The following TMEM134 variants were observed in gnomAD, a reference collection of about 807,000 sequenced individuals.
TMEM134 encodes transmembrane protein 134.
Under a neutral mutation model 26.2 loss-of-function variants are expected in TMEM134, and 36 were observed. The observed-to-expected ratio is 1.37, with a 90% CI of 1.05 to 1.81. TMEM134 has a LOEUF of 1.81. TMEM134 is among the 40% of genes most tolerant of loss of function. TMEM134 has a pLI of 0.00. For missense variants in TMEM134, 339 were observed against 263.5 expected, an observed-to-expected ratio of 1.29 and a Z score of -1.98; for synonymous variants, 133 against 113.6, an observed-to-expected ratio of 1.17 and a Z score of -1.08.
At chr11:67,467,845 C>T in intron 2 of TMEM134, 183 bp downstream of exon 2, 1 of 673,758 alleles carries the variant, frequency 1.5e-6, no homozygotes, top group East Asian at 2.7e-5. Context: ...GTGAGTACAG[C>T]TGGGCACTAG....
Position 67,464,588 on chromosome 11 carries a change from C to A in TMEM134, c.*26G>T. The A allele has an allele frequency of 6.4e-7, 1 of 1,551,216 alleles. No homozygotes were observed. The highest frequency in any genetic ancestry group is 2.0e-5 in the Admixed American group (1 of 51,010). ...AGGGCAAGAGGGGCGCCCCCATGGG[C>A]GCAAGGGGTCCACGCTGCGCCGCGA... On this transcript the variant is annotated 3_prime_UTR_variant, in exon 7 of 7. Transcript: ENST00000308022.
At chr11:67,467,924 CG>C (rs1865379282) in intron 2 of TMEM134, 103 bp downstream of exon 2, 1 of 1,091,340 alleles carries the variant, frequency 9.2e-7, no homozygotes, top group South Asian at 1.4e-5. Context: ...ATCAATAGGA[CG>C]GGATGGAAGA....
intron 1 of TMEM134, 27 bp downstream of exon 1, chr11:67,468,991 AG>A: frequency 3.4e-6 from 5 of 1,455,618 alleles, no homozygotes; most frequent in South Asian, 2.6e-5. Context: ...GGCCGGGGGC[AG>A]GGGGTTAGGT....
In TMEM134 at chr11:67,465,087, G is replaced by T; in HGVS notation, c.420C>A (p.Val140=). 1 of 1,586,608 alleles carries T rather than the reference G, an allele frequency of 6.3e-7. No individual in the cohort carries two copies. The highest frequency in any genetic ancestry group is 1.8e-5 in the Admixed American group (1 of 56,668). The change falls in exon 5 of 7, where the codon GTC becomes GTA. Residue 140 remains valine (V), a synonymous_variant. Transcript: ENST00000308022. ...LLLLGLVLIL[V]GVGLEATPSP... is the part of the protein sequence containing the mutation. The stretch of plus-strand genomic sequence containing the variant: ...AGGGGGTCGCCTCCAGTCCCACGCC[G>T]ACCAGGATCAGCACTGCACACAGAC...
Position 67,463,940 on chromosome 11 carries a change from G to C in TMEM134, c.*674C>G, listed in dbSNP as rs1031177397. 1 of 153,598 alleles carries C rather than the reference G, an allele frequency of 6.5e-6. No individual in the cohort carries two copies. Among genetic ancestry groups the C allele is most frequent in the Non-Finnish European group, 1.5e-5 (1 of 68,872 alleles). 9.5% of individuals were successfully genotyped at this position (153,598 alleles called of 1,614,324 possible). A position where few individuals can be genotyped will look rare whatever the true frequency, so the allele number is the denominator to read the frequency against. ...CTGGGACTGGGAAGGAGGGCAGTGG[G>C]TGGAGGGGGCTGGGCCATTGCCTTG... On this transcript the variant is annotated 3_prime_UTR_variant, in exon 7 of 7. Transcript: ENST00000308022.
In TMEM134 at chr11:67,465,112, C is replaced by T. The variant is rs1304353312; in HGVS notation, c.407-12G>A. The T allele has an allele frequency of 3.2e-6, 5 of 1,572,706 alleles. No homozygotes were observed. Among genetic ancestry groups the T allele is most frequent in the Non-Finnish European group, 4.3e-6 (5 of 1,164,674 alleles). On this transcript the variant is annotated splice_polypyrimidine_tract_variant and intron_variant, in intron 4 of 6. Transcript: ENST00000308022. ...GACCAGGATCAGCACTGCACACAGA[C>T]GGAGCCGCGGGGGTGGGGGCAGGAG...
At chr11:67,468,598 C>T (rs981713702) in intron 1 of TMEM134, among the ~76,000 whole-genome samples, 14 of 152,174 alleles carry the variant, frequency 9.2e-5, no homozygotes, top group Admixed American at 4.6e-4. Context: ...AGGGAGAGGG[C>T]TTTCAGAATA....
rs998584283 is a variant in TMEM134, at chr11:67,465,103, G to T, written c.407-3C>A. 1.3e-6 allele frequency: 2 copies of T among 1,581,834 alleles called. No homozygotes were observed. The highest frequency in any genetic ancestry group is 2.7e-5 in the African/African-American group (2 of 74,132). On this transcript the variant is annotated splice_region_variant and splice_polypyrimidine_tract_variant and intron_variant, in intron 4 of 6. Coordinates refer to ENST00000308022, the MANE Select transcript of TMEM134 (RefSeq NM_025124.4). ...TCCCACGCCGACCAGGATCAGCACTGCACACAGACGGAGCCGCGGGGGTGG... is the reference window on the plus strand; with the variant it reads ...TCCCACGCCGACCAGGATCAGCACTTCACACAGACGGAGCCGCGGGGGTGG...
At chr11:67,468,414 C>T (rs994783627) in intron 1 of TMEM134, among the ~76,000 whole-genome samples, 1 of 151,590 alleles carries the variant, frequency 6.6e-6, no homozygotes, top group African/African-American at 2.4e-5. Flanking sequence ...AGGCCAGGCC[C>T]AGAGTTCCCA....
At position 67,467,338 on chromosome 11, in the gene TMEM134, G is replaced by T; in HGVS notation, c.380C>A (p.Ser127Tyr). 1.2e-6 allele frequency: 2 copies of T among 1,613,920 alleles called. No homozygotes were observed. Residue 127 changes from serine to tyrosine, a missense_variant, in exon 4 of 7, where the codon TCC (serine) becomes TAC (tyrosine). Ser to Tyr is a moderately radical substitution (Grantham distance 144, BLOSUM62 -2). Coordinates refer to ENST00000308022, the MANE Select transcript of TMEM134 (RefSeq NM_025124.4). The stretch of plus-strand genomic sequence containing the variant: ...CAGCCCCAGCAGCAGGAGCAGGAAG[G>T]AGGCCAGCACCACTCGGCGGTTCTT... Reference protein sequence around the residue: ...IQKNRRVVLASFLLLLLGLVL... With the variant: ...IQKNRRVVLAYFLLLLLGLVL...
In TMEM134 at chr11:67,464,862, G is replaced by C; in HGVS notation, c.452-6C>G. 4 of 1,610,404 alleles carry C rather than the reference G, an allele frequency of 2.5e-6. No homozygotes were observed. Among genetic ancestry groups the C allele is most frequent in the Non-Finnish European group, 3.4e-6 (4 of 1,179,714 alleles). On this transcript the variant is annotated splice_polypyrimidine_tract_variant and splice_region_variant and intron_variant, in intron 5 of 6. Transcript: ENST00000308022. The stretch of plus-strand genomic sequence containing the variant: ...GAAGATGGCGCTGGAGACACCTGCG[G>C]GAGGGACCAGAGCCCGGTCAGGGCG...
At position 67,467,580 on chromosome 11, in the gene TMEM134, G is replaced by C. The variant is rs143199541; in HGVS notation, c.250C>G (p.Arg84Gly). The C allele has an allele frequency of 4.3e-6, 7 of 1,613,870 alleles. No individual in the cohort carries two copies. The Middle Eastern group carries it at 5.0e-4, about 115-fold the overall frequency. The change falls in exon 3 of 7, where the codon CGA (arginine) becomes GGA (glycine). Residue 84 changes from arginine to glycine, a missense_variant. Physicochemically the swap from Arg to Gly is moderately radical, Grantham distance 125. Coordinates refer to ENST00000308022, the MANE Select transcript of TMEM134 (RefSeq NM_025124.4). ...CACTGGGAGCTGCGGATGGAAGTTC[G>C]GCTGGAATCCCTGCCAGGACAGGCG... is the stretch of plus-strand genomic sequence containing the variant. Reference protein sequence around the residue: ...DGGVGTRDSSRTSIRSSQWSF... With the variant: ...DGGVGTRDSSGTSIRSSQWSF...
At chr11:67,465,648 A>G (rs1282154367) in intron 4 of TMEM134, among the ~76,000 whole-genome samples, 2 of 152,140 alleles carry the variant, frequency 1.3e-5, no homozygotes, top group African/African-American at 4.8e-5. Flanking sequence ...AGGGTGGGCC[A>G]GGTGTGGTGG....
At chr11:67,467,260 G>A (rs1203670116) in intron 4 of TMEM134, 52 bp downstream of exon 4, 1 of 1,561,792 alleles carries the variant, frequency 6.4e-7, no homozygotes, top group South Asian at 1.1e-5. Context: ...ACAAAAGGAG[G>A]GCAGAGCCTC....
chr11:67,464,215 C>T lies in TMEM134; in HGVS notation c.*399G>A. ...CCCTAACATGCCCCGTGCCCTTGGGCAAGCCTCAGCATCAGGGCTGCCACG... is the reference window on the plus strand; with the variant it reads ...CCCTAACATGCCCCGTGCCCTTGGGTAAGCCTCAGCATCAGGGCTGCCACG... On this transcript the variant is annotated 3_prime_UTR_variant, in exon 7 of 7. Coordinates refer to ENST00000308022, the MANE Select transcript of TMEM134 (RefSeq NM_025124.4). 3.3e-6 allele frequency: 1 copy of T among 301,206 alleles called. No individual in the cohort carries two copies. The highest frequency in any genetic ancestry group is 6.4e-6 in the Non-Finnish European group (1 of 156,482). The allele number at this position is 301,206 out of a possible 1,614,324, so 18.7% of individuals were successfully genotyped here.
intron 4 of TMEM134, chr11:67,466,822 G>C (rs1023339904): frequency 5.7e-6 from 1 of 176,268 alleles, no homozygotes; most frequent in Admixed American, 5.3e-5. Flanking sequence ...GGGTAGGAGA[G>C]GGGTGCTTGT....
At position 67,467,991 on chromosome 11, in the gene TMEM134, G is replaced by A. The variant is rs747844159; in HGVS notation, c.239+37C>T. 2.1e-5 allele frequency: 32 copies of A among 1,544,732 alleles called. No homozygotes were observed. In the Middle Eastern group the frequency reaches 5.3e-4, roughly 25 times the overall value. ...AGGGTCCCTGGGGATAGGAGCTGGGGCTGGGGTACAGGGTTGGGTCCCCAC... is the reference window on the plus strand; with the variant it reads ...AGGGTCCCTGGGGATAGGAGCTGGGACTGGGGTACAGGGTTGGGTCCCCAC... On this transcript the variant is annotated intron_variant, in intron 2 of 6. Coordinates refer to ENST00000308022, the MANE Select transcript of TMEM134 (RefSeq NM_025124.4).
At chr11:67,464,730 G>T (rs1056743996) in intron 6 of TMEM134, 34 bp from the exon 7 acceptor site, 8 of 1,498,872 alleles carry the variant, frequency 5.3e-6, no homozygotes, top group Non-Finnish European at 6.3e-6. Context: ...CAGAAGCCCC[G>T]CCCCTCCCCG....
Position 67,467,494 on chromosome 11 carries a change from G to A in TMEM134, c.329+7C>T, listed in dbSNP as rs763966018. Reference sequence around the variant, plus strand: ...GCTCGGCTGGGGGCTTAGGCGGGCAGGCTCACCTGCAGCAGGTGTTGTAGG... The same window carrying A: ...GCTCGGCTGGGGGCTTAGGCGGGCAAGCTCACCTGCAGCAGGTGTTGTAGG... On this transcript the variant is annotated splice_region_variant and intron_variant, in intron 3 of 6. Transcript: ENST00000308022. The A allele has an allele frequency of 5.0e-6, 8 of 1,613,962 alleles. No individual in the cohort carries two copies. Among genetic ancestry groups the A allele is most frequent in the South Asian group, 1.1e-5 (1 of 91,070 alleles).
Sources: allele counts gnomAD v4.1 joint callset (sites outside exome capture counted in the v4.1 genomes callset), GRCh38; gene constraint gnomAD v4.1.1; transcripts MANE v1.5; gene names NCBI Gene and HGNC (gene_info 2026-07-23, HGNC 2026-07-21).